The following SESTD1 variants were observed in gnomAD, a reference collection of about 807,000 sequenced individuals.
SESTD1 encodes the protein SEC14 domain and spectrin repeat-containing protein 1.
A neutral mutation model predicts 101.7 loss-of-function variants in SESTD1; 43 were observed. The observed-to-expected ratio is 0.42, with a 90% CI of 0.33 to 0.55. SESTD1 has a LOEUF of 0.55. Among genes scored for constraint, SESTD1 ranks in the 20% least tolerant of loss-of-function variants. The probability of loss-of-function intolerance (pLI) is 0.07; values close to 1 mark genes in which losing one functional copy is unlikely to be tolerated. For synonymous variants in SESTD1, 283 were observed against 286.8 expected (o/e 0.99, Z 0.13); for missense variants, 647 against 815.1 (o/e 0.79, Z 2.51).
At chr2:179,213,701 T>C (rs753950604) in intron 1 of SESTD1, among the ~76,000 whole-genome samples, 1 of 134,990 alleles carries the variant, frequency 7.4e-6, no homozygotes, top group Non-Finnish European at 1.6e-5. Context: ...AACTGTCAGA[T>C]TCACCAAGGT....
intron 7 of SESTD1, among the ~76,000 whole-genome samples, chr2:179,149,017 G>A (rs904478430): frequency 5.9e-5 from 7 of 119,298 alleles, no homozygotes; most frequent in Admixed American, 3.6e-4. Flanking sequence ...CCGAGATAGC[G>A]CCACTGCACT....
At chr2:179,146,838 C>T (rs1318111329) in intron 7 of SESTD1, among the ~76,000 whole-genome samples, 2 of 151,978 alleles carry the variant, frequency 1.3e-5, no homozygotes, top group African/African-American at 4.8e-5. Flanking sequence ...AGCCATCCTC[C>T]AGACAAAACT....
At position 179,127,852 on chromosome 2, in the gene SESTD1, A is replaced by T. The variant is rs948327777; in HGVS notation, c.973-3294T>A. Among the ~76,000 whole-genome samples the T allele has an allele frequency of 2.6e-5, 4 of 152,232 alleles. No individual in the cohort carries two copies. In the East Asian group the frequency reaches 7.7e-4, roughly 29 times the overall value. ...GTTAACAGAGACTATTTTAAAGTAG[A>T]AAATATTACCTCAGAAAATTATCAC... On this transcript the variant is annotated intron_variant, in intron 10 of 17. Transcript: ENST00000428443.
intron 4 of SESTD1, 79 bp from the exon 5 acceptor site, chr2:179,172,312 C>G (rs1360564370): frequency 1.1e-6 from 1 of 899,510 alleles, no homozygotes; most frequent in East Asian, 2.7e-5. Context: ...ACCAGACAGT[C>G]AAGATTATGC....
chr2:179,185,433 A>C (rs1301184790), intron 2 of SESTD1, among the ~76,000 whole-genome samples: 1 of 144,556 alleles, frequency 6.9e-6, no homozygotes, highest in African/African-American at 2.5e-5. Context: ...TATATTCTAT[A>C]TTGTATAATA....
At chr2:179,139,940 T>A (rs2045240283) in intron 9 of SESTD1, among the ~76,000 whole-genome samples, 1 of 152,228 alleles carries the variant, frequency 6.6e-6, no homozygotes, top group South Asian at 2.1e-4. Flanking sequence ...GTGTAACTGG[T>A]CTGTTACTGG....
At chr2:179,261,024 ACT>A (rs763058008) in intron 1 of SESTD1, among the ~76,000 whole-genome samples, 1 of 152,144 alleles carries the variant, frequency 6.6e-6, no homozygotes, top group Non-Finnish European at 1.5e-5. Flanking sequence ...TTCAGCTTTT[ACT>A]CTCTCTATAT....
chr2:179,155,722 C>G (rs1464223585), intron 5 of SESTD1, among the ~76,000 whole-genome samples: 1 of 152,064 alleles, frequency 6.6e-6, no homozygotes. Flanking sequence ...TGAGAAATCC[C>G]ACTATCATGT....
chr2:179,263,758 G>A (rs2047515880), intron 1 of SESTD1, among the ~76,000 whole-genome samples: 1 of 152,228 alleles, frequency 6.6e-6, no homozygotes, highest in African/African-American at 2.4e-5. Context: ...GAGCTGGTCA[G>A]ACTGCGGCTC....
rs2044374708 is a variant in SESTD1, at chr2:179,106,022, T to C, written c.*3877A>G. On this transcript the variant is annotated 3_prime_UTR_variant, in exon 18 of 18. Coordinates refer to ENST00000428443, the MANE Select transcript of SESTD1 (RefSeq NM_178123.5). ...TATCTCATCAGGGTATTTGTTGCTCTATATACCAGCATAGTATATTTTCTA... is the reference window on the plus strand; with the variant it reads ...TATCTCATCAGGGTATTTGTTGCTCCATATACCAGCATAGTATATTTTCTA... The C allele has an allele frequency of 6.6e-6, 1 of 152,242 alleles. No individual in the cohort carries two copies. The highest frequency in any genetic ancestry group is 2.1e-4 in the South Asian group (1 of 4,836). The allele number at this position is 152,242 out of a possible 1,614,324, so 9.4% of individuals were successfully genotyped here.
chr2:179,203,658 A>T (rs1188916021), intron 1 of SESTD1, among the ~76,000 whole-genome samples: 4 of 135,006 alleles, frequency 3.0e-5, no homozygotes. Context: ...TTAGTGAATT[A>T]TCGAACCTGA....
intron 1 of SESTD1, among the ~76,000 whole-genome samples, chr2:179,199,961 A>G (rs1255723378): frequency 5.3e-5 from 8 of 152,222 alleles, no homozygotes; most frequent in South Asian, 2.1e-4. Flanking sequence ...AGGGTATTCA[A>G]TTAGGAAAAG....
rs185969452 is a variant in SESTD1 at position 179,176,457 on chromosome 2, T to C, written c.246A>G (p.Val82=). Reference sequence around the variant, plus strand: ...ACAAAACCAAAATTACCTGTAGCATTACGACTACTGTTTTCACCACATTCC... The same window carrying C: ...ACAAAACCAAAATTACCTGTAGCATCACGACTACTGTTTTCACCACATTCC... ...SQWNVVKTVV[V]MLQNVVPAEV... is the part of the protein sequence containing the mutation. Residue 82 remains valine (V), a synonymous_variant, in exon 4 of 18, where the codon GTA becomes GTG. Coordinates refer to ENST00000428443, the MANE Select transcript of SESTD1 (RefSeq NM_178123.5). 6.2e-7 allele frequency: 1 copy of C among 1,613,142 alleles called. No individual in the cohort carries two copies. Among genetic ancestry groups the C allele is most frequent in the East Asian group, 2.2e-5 (1 of 44,810 alleles).
At chr2:179,116,862 C>T (rs752867798) in intron 14 of SESTD1, 72 bp from the exon 15 acceptor site, 3 of 1,549,708 alleles carry the variant, frequency 1.9e-6, no homozygotes, top group East Asian at 2.3e-5. Context: ...GTCATTTATA[C>T]AGAGATTACT....
In SESTD1 at chr2:179,259,856, C is replaced by T. The variant is rs766385255; in HGVS notation, c.-26+4643G>A. Among the ~76,000 whole-genome samples the T allele has an allele frequency of 3.3e-5, 5 of 152,182 alleles. No individual in the cohort carries two copies. The East Asian group carries it at 7.7e-4, about 23-fold the overall frequency. On this transcript the variant is annotated intron_variant, in intron 1 of 17. Transcript: ENST00000428443. ...AATTAACTTGTCCACAGTCACAAGG[C>T]TAACAAGTGACAACACAAGATTCAT... is the stretch of plus-strand genomic sequence containing the variant.
chr2:179,261,274 AT>A (rs1559167197), intron 1 of SESTD1, among the ~76,000 whole-genome samples: 2 of 152,004 alleles, frequency 1.3e-5, no homozygotes, highest in African/African-American at 2.4e-5. Flanking sequence ...GTTTGGTTTG[AT>A]TTTTTTTATT....
At chr2:179,213,234 G>A (rs2046674582) in intron 1 of SESTD1, among the ~76,000 whole-genome samples, 1 of 134,522 alleles carries the variant, frequency 7.4e-6, no homozygotes, top group Non-Finnish European at 1.6e-5. Context: ...CCATCGCAAG[G>A]AAGCTAAAAT....
intron 1 of SESTD1, among the ~76,000 whole-genome samples, chr2:179,257,067 T>C (rs1026025550): frequency 1.3e-5 from 2 of 152,064 alleles, no homozygotes; most frequent in African/African-American, 2.4e-5. Flanking sequence ...GAGAAATCTT[T>C]CATGAGAAGA....
chr2:179,254,620 G>A (rs944258324), intron 1 of SESTD1, among the ~76,000 whole-genome samples: 10 of 152,254 alleles, frequency 6.6e-5, no homozygotes, highest in Admixed American at 2.0e-4. Context: ...CAGAAGCTGC[G>A]TCCAACTAAC....
Sources: allele counts gnomAD v4.1 joint callset (sites outside exome capture counted in the v4.1 genomes callset), GRCh38; gene constraint gnomAD v4.1.1; transcripts MANE v1.5; gene names NCBI Gene and HGNC (gene_info 2026-07-23, HGNC 2026-07-21).